The following IL31RA variants were observed in gnomAD, a reference collection of about 807,000 sequenced individuals.
IL31RA encodes the protein interleukin-31 receptor subunit alpha.
A neutral mutation model predicts 83.7 loss-of-function variants in IL31RA; 66 were observed. The observed-to-expected ratio is 0.79, with a 90% CI of 0.65 to 0.97. IL31RA has a LOEUF of 0.97. Ranked by LOEUF, IL31RA falls within the 50% of genes least tolerant of loss-of-function variation. The pLI, the probability that IL31RA is intolerant of heterozygous loss-of-function variation, is 0.00. For missense variants in IL31RA, 798 were observed against 919.4 expected, an observed-to-expected ratio of 0.87 and a Z score of 1.71; for synonymous variants, 325 against 329.0, an observed-to-expected ratio of 0.99 and a Z score of 0.13.
At chr5:55,864,285 A>G (rs1443730473) in intron 2 of IL31RA, among the ~76,000 whole-genome samples, 2 of 55,058 alleles carry the variant, frequency 3.6e-5, no homozygotes, top group Non-Finnish European at 3.4e-5. Flanking sequence ...ACATATATAC[A>G]CACAGACACA....
At chr5:55,913,792 G>A (rs1307356857) in intron 13 of IL31RA, among the ~76,000 whole-genome samples, 2 of 152,208 alleles carry the variant, frequency 1.3e-5, no homozygotes, top group Admixed American at 6.5e-5. Flanking sequence ...CCATGCCCAG[G>A]TCTAGGCCTT....
chr5:55,883,277 A>T, intron 5 of IL31RA, 82 bp downstream of exon 5: 7 of 1,210,106 alleles, frequency 5.8e-6, no homozygotes, highest in Non-Finnish European at 8.5e-6. Flanking sequence ...ACCTGGAATC[A>T]TTATTTCACT....
intron 7 of IL31RA, among the ~76,000 whole-genome samples, chr5:55,899,632 AC>A (rs1231095717): frequency 6.6e-6 from 1 of 152,238 alleles, no homozygotes; most frequent in Non-Finnish European, 1.5e-5. Flanking sequence ...AGCGAAAGAT[AC>A]AGGCAGAAGG....
chr5:55,905,987 A>G, intron 8 of IL31RA, 119 bp from the exon 9 acceptor site: 1 of 957,534 alleles, frequency 1.0e-6, no homozygotes, highest in South Asian at 1.3e-5. Context: ...GGGAGGCTGC[A>G]GTGGAGATCC....
Position 55,920,941 on chromosome 5 carries a change from G to A in IL31RA, c.*3821G>A, listed in dbSNP as rs1334811937. Among the ~76,000 whole-genome samples, 3 of 152,056 alleles carry A rather than the reference G, an allele frequency of 2.0e-5. No individual in the cohort carries two copies. The highest frequency in any genetic ancestry group is 2.1e-4 in the South Asian group (1 of 4,830). ...GCCTGGAGATATTTTTGATTGTCAC[G>A]ACTGGGAAGGTGCTACTGGCATCTA... On this transcript the variant is annotated 3_prime_UTR_variant, in exon 15 of 15. Coordinates refer to ENST00000652347, the MANE Select transcript of IL31RA (RefSeq NM_139017.7).
chr5:55,889,810 A>G (rs1747867518), intron 5 of IL31RA, among the ~76,000 whole-genome samples, 160 bp from the exon 6 acceptor site: 1 of 152,252 alleles, frequency 6.6e-6, no homozygotes, highest in African/African-American at 2.4e-5. Context: ...AATTGTTCCC[A>G]GGCACATATG....
chr5:55,856,457 C>G (rs1745370114), intron 1 of IL31RA, among the ~76,000 whole-genome samples: 1 of 152,202 alleles, frequency 6.6e-6, no homozygotes, highest in African/African-American at 2.4e-5. Context: ...ATTGATGGCT[C>G]TCCTCAAGAG....
At chr5:55,851,678 G>A (rs1282698751) in intron 1 of IL31RA, 45 bp downstream of exon 1, 2 of 1,613,694 alleles carry the variant, frequency 1.2e-6, no homozygotes, top group Non-Finnish European at 1.7e-6. Context: ...TAGCAAGTAG[G>A]TGAATTCACA....
chr5:55,902,092 T>C (rs1288807900), intron 8 of IL31RA, among the ~76,000 whole-genome samples: 1 of 152,214 alleles, frequency 6.6e-6, no homozygotes, highest in Non-Finnish European at 1.5e-5. Context: ...GATCAGGTAT[T>C]GGCACACTGC....
intron 4 of IL31RA, among the ~76,000 whole-genome samples, chr5:55,875,396 ATCT>A (rs1746783268): frequency 6.6e-6 from 1 of 152,086 alleles, no homozygotes; most frequent in Admixed American, 6.6e-5. Flanking sequence ...GTGTTTCCTC[ATCT>A]TCTATTTTTT....
chr5:55,917,330 TA>T lies in IL31RA; in HGVS notation c.*213del, dbSNP rs1309490146. 2.8e-6 allele frequency: 4 copies of T among 1,441,316 alleles called. No individual in the cohort carries two copies. The East Asian group carries it at 1.0e-4, about 37-fold the overall frequency. The allele number at this position is 1,441,316 out of a possible 1,614,324, so 89.3% of individuals were successfully genotyped here. ...GGGATGGTGATAAGCCCGAGTTTTG[TA>T]AAGGAACAGCAGTCTCTTTTCGTTT... On this transcript the variant is annotated 3_prime_UTR_variant, in exon 15 of 15. Coordinates refer to ENST00000652347, the MANE Select transcript of IL31RA (RefSeq NM_139017.7).
At chr5:55,908,581 G>A (rs754587101) in intron 11 of IL31RA, 170 bp downstream of exon 11, 7 of 1,552,652 alleles carry the variant, frequency 4.5e-6, no homozygotes, top group Non-Finnish European at 6.1e-6. Context: ...CCCACCTTTT[G>A]GGGTTTTGGG....
intron 12 of IL31RA, 108 bp from the exon 13 acceptor site, chr5:55,913,369 C>T (rs1561125754): frequency 2.6e-6 from 2 of 777,038 alleles, no homozygotes; most frequent in Non-Finnish European, 4.5e-6. Flanking sequence ...TGAAAGAAAA[C>T]TAATAAGACA....
In IL31RA at chr5:55,918,937, C is replaced by T. The variant is rs1418170158; in HGVS notation, c.*1817C>T. On this transcript the variant is annotated 3_prime_UTR_variant, in exon 15 of 15. Transcript: ENST00000652347. ...AATGCCCCTGTCCCGTTGTCCTGCA[C>T]TCAAGTCCAGGTGTAGGAAGGGACC... 6.6e-6 allele frequency among the ~76,000 whole-genome samples: 1 copy of T among 152,154 alleles called. No individual in the cohort carries two copies. The highest frequency in any genetic ancestry group is 1.5e-5 in the Non-Finnish European group (1 of 68,020).
At chr5:55,897,316 C>T (rs1748464849) in intron 7 of IL31RA, among the ~76,000 whole-genome samples, 1 of 151,506 alleles carries the variant, frequency 6.6e-6, no homozygotes, top group African/African-American at 2.4e-5. Flanking sequence ...TGCAGATGGC[C>T]CAAACATGCA....
chr5:55,904,450 G>A (rs958956693), intron 8 of IL31RA, among the ~76,000 whole-genome samples: 10 of 152,266 alleles, frequency 6.6e-5, no homozygotes, highest in African/African-American at 1.2e-4. Context: ...GCTTCCAGGC[G>A]GTGAGCAGGG....
In IL31RA at chr5:55,907,241, T is replaced by A. The variant is rs1749208906; in HGVS notation, c.1253-118T>A. On this transcript the variant is annotated intron_variant, in intron 9 of 14. Transcript: ENST00000652347. Reference sequence around the variant, plus strand: ...ACCTAACCTGTTTATTTTCCAGAGGTGGAAACTGTAGAGAAATGGAATATC... The same window carrying A: ...ACCTAACCTGTTTATTTTCCAGAGGAGGAAACTGTAGAGAAATGGAATATC... 1.4e-5 allele frequency: 10 copies of A among 700,614 alleles called. No individual in the cohort carries two copies. The South Asian group carries it at 1.6e-4, about 11-fold the overall frequency. The allele number at this position is 700,614 out of a possible 1,614,324, so 43.4% of individuals were successfully genotyped here.
intron 5 of IL31RA, among the ~76,000 whole-genome samples, chr5:55,888,737 T>C (rs1282546812): frequency 2.0e-5 from 3 of 152,174 alleles, no homozygotes; most frequent in African/African-American, 4.8e-5. Flanking sequence ...TAGTCTGCCA[T>C]CACAGCATCT....
In IL31RA at chr5:55,918,030, T is replaced by G. The variant is rs13354596; in HGVS notation, c.*910T>G. 0.18 allele frequency among the ~76,000 whole-genome samples: 27,824 copies of G among 152,172 alleles called. 2,774 individuals carry two copies. Among genetic ancestry groups the G allele is most frequent in the Middle Eastern group, 0.32 (92 of 292 alleles). On this transcript the variant is annotated 3_prime_UTR_variant, in exon 15 of 15. Coordinates refer to ENST00000652347, the MANE Select transcript of IL31RA (RefSeq NM_139017.7). Reference sequence around the variant, plus strand: ...TGGGAACATGCAATGCCTAGCAAATTTGCAGCCCCAACAGGAGGACTTCTG... The same window carrying G: ...TGGGAACATGCAATGCCTAGCAAATGTGCAGCCCCAACAGGAGGACTTCTG...
Sources: allele counts gnomAD v4.1 joint callset (sites outside exome capture counted in the v4.1 genomes callset), GRCh38; gene constraint gnomAD v4.1.1; transcripts MANE v1.5; gene names NCBI Gene and HGNC (gene_info 2026-07-23, HGNC 2026-07-21).